AMBRA1: variants seen among roughly 807,000 people sequenced by gnomAD.
The protein encoded by AMBRA1 is activating molecule in BECN1-regulated autophagy protein 1.
A neutral mutation model predicts 125.4 loss-of-function variants in AMBRA1; 47 were observed. The observed-to-expected ratio is 0.37, with a 90% CI of 0.30 to 0.48. AMBRA1 has a LOEUF of 0.48. Among genes scored for constraint, AMBRA1 ranks in the 20% least tolerant of loss-of-function variants. AMBRA1 has a pLI of 0.99. For synonymous variants in AMBRA1, 626 were observed against 655.5 expected (o/e 0.95, Z 0.69); for missense variants, 1,331 against 1,693.4 (o/e 0.79, Z 3.76).
At chr11:46,473,802 C>A (rs1239477430) in intron 11 of AMBRA1, among the ~76,000 whole-genome samples, 1 of 152,214 alleles carries the variant, frequency 6.6e-6, no homozygotes, top group African/African-American at 2.4e-5. Context: ...GGACACCCAC[C>A]ACCACGCCCG....
At chr11:46,448,721 A>G (rs1240918824) in intron 11 of AMBRA1, among the ~76,000 whole-genome samples, 2 of 152,158 alleles carry the variant, frequency 1.3e-5, no homozygotes, top group African/African-American at 4.8e-5. Context: ...GAAAAAAGAG[A>G]GAAGATACAA....
chr11:46,401,260 A>AGAT (rs1554966118), intron 17 of AMBRA1, among the ~76,000 whole-genome samples: 16 of 151,746 alleles, frequency 1.1e-4, no homozygotes, highest in Non-Finnish European at 2.1e-4. Context: ...GCTCTTTTCG[A>AGAT]GACAGAGTCT....
chr11:46,503,060 C>CAAAAAAAAAAAAAA (rs35217088), intron 9 of AMBRA1, among the ~76,000 whole-genome samples: 1 of 31,022 alleles, frequency 3.2e-5, no homozygotes, highest in Non-Finnish European at 8.2e-5. Flanking sequence ...GACTCTGTCT[C>CAAAAAAAAAAAAAA]AAAAAAAAAA....
At chr11:46,570,268 A>G (rs1287588577) in intron 1 of AMBRA1, among the ~76,000 whole-genome samples, 2 of 148,986 alleles carry the variant, frequency 1.3e-5, no homozygotes, top group African/African-American at 2.5e-5. Flanking sequence ...TCTCAAAAAA[A>G]AAAAAAAAAA....
At chr11:46,586,087 A>C (rs2044389885) in intron 1 of AMBRA1, among the ~76,000 whole-genome samples, 2 of 152,214 alleles carry the variant, frequency 1.3e-5, no homozygotes, top group Admixed American at 1.3e-4. Context: ...TACAGGCATT[A>C]GCCACTGCAC....
rs1481925668 is a variant in AMBRA1, at chr11:46,545,705, C to T, written c.450G>A (p.Gln150=). ...IASLAFHPTA[Q]LLLIATANEI... The stretch of plus-strand genomic sequence containing the variant: ...CATTGGCAGTGGCAATCAGCAGGAG[C>T]TGAGCCGTAGGGTGGAAAGCCAGGG... The change falls in exon 5 of 18, where the codon CAG becomes CAA. Residue 150 remains glutamine (Q), a synonymous_variant. Coordinates refer to ENST00000683756, the MANE Select transcript of AMBRA1 (RefSeq NM_001387011.1). 1 of 1,614,070 alleles carries T rather than the reference C, an allele frequency of 6.2e-7. No homozygotes were observed. The highest frequency in any genetic ancestry group is 8.5e-7 in the Non-Finnish European group (1 of 1,180,020).
intron 7 of AMBRA1, among the ~76,000 whole-genome samples, chr11:46,539,810 G>A (rs895310958): frequency 1.3e-5 from 2 of 152,222 alleles, no homozygotes; most frequent in Admixed American, 6.5e-5. Flanking sequence ...ACACATAGTA[G>A]GCCCTCAGTA....
chr11:46,516,518 C>T (rs112144478), intron 7 of AMBRA1, among the ~76,000 whole-genome samples: 1,721 of 150,266 alleles, frequency 0.011, 38 homozygotes, highest in African/African-American at 0.04. Context: ...GCAAGCTCCG[C>T]CTCCTGGGTT....
chr11:46,565,482 A>G (rs533883683), intron 1 of AMBRA1, among the ~76,000 whole-genome samples: 3 of 152,060 alleles, frequency 2.0e-5, no homozygotes, highest in South Asian at 2.1e-4. Context: ...TGAGGTGGGC[A>G]GATTGCTTGA....
chr11:46,473,736 C>T (rs1262601569), intron 11 of AMBRA1, among the ~76,000 whole-genome samples: 7 of 152,200 alleles, frequency 4.6e-5, no homozygotes, highest in East Asian at 3.9e-4. Flanking sequence ...CTGCAAGCTC[C>T]GCCTCGCGGG....
At chr11:46,525,885 C>G (rs1415110798) in intron 7 of AMBRA1, among the ~76,000 whole-genome samples, 1 of 151,968 alleles carries the variant, frequency 6.6e-6, no homozygotes, top group African/African-American at 2.4e-5. Flanking sequence ...GCACTCCAGC[C>G]TGGGTGACAG....
At position 46,397,570 on chromosome 11, in the gene AMBRA1, G is replaced by A. The variant is rs1945514741; in HGVS notation, c.3777C>T (p.Ser1259=). 6.3e-7 allele frequency: 1 copy of A among 1,580,894 alleles called. No individual in the cohort carries two copies. The highest frequency in any genetic ancestry group is 1.2e-5 in the South Asian group (1 of 86,352). Residue 1259 remains serine, a synonymous_variant, in exon 18 of 18, where the codon TCC becomes TCT. Coordinates refer to ENST00000683756, the MANE Select transcript of AMBRA1 (RefSeq NM_001387011.1). ...PSSSPVPIPV[S]LPSAEGPTLH... is the part of the protein sequence containing the mutation. Reference sequence around the variant, plus strand: ...GGGTTGGTCCCTCAGCGCTGGGAAGGGAAACAGGAATGGGGACAGGGGAGG... The same window carrying A: ...GGGTTGGTCCCTCAGCGCTGGGAAGAGAAACAGGAATGGGGACAGGGGAGG...
At chr11:46,463,398 C>T (rs575823167) in intron 11 of AMBRA1, among the ~76,000 whole-genome samples, 2 of 152,152 alleles carry the variant, frequency 1.3e-5, no homozygotes, top group Non-Finnish European at 2.9e-5. Context: ...TATAGATGCT[C>T]TGCTGTAGAA....
intron 7 of AMBRA1, among the ~76,000 whole-genome samples, chr11:46,517,193 G>A (rs1951530039): frequency 6.8e-6 from 1 of 146,932 alleles, no homozygotes; most frequent in Non-Finnish European, 1.5e-5. Flanking sequence ...TTTTGCCCAG[G>A]CTGGAGTGCA....
chr11:46,592,784 ACT>A (rs1041481869), intron 1 of AMBRA1, among the ~76,000 whole-genome samples: 81 of 151,118 alleles, frequency 5.4e-4, no homozygotes, highest in African/African-American at 1.8e-3. Context: ...AGAGAGACAG[ACT>A]CCTTGGGTTT....
chr11:46,397,529 G>T lies in AMBRA1; in HGVS notation c.3818C>A (p.Thr1273Asn), dbSNP rs1565112037. 6.5e-7 allele frequency: 1 copy of T among 1,543,478 alleles called. No individual in the cohort carries two copies. Among genetic ancestry groups the T allele is most frequent in the East Asian group, 2.3e-5 (1 of 44,158 alleles). Residue 1273 changes from threonine (T) to asparagine (N), a missense_variant, in exon 18 of 18, where the codon ACC becomes AAC. Thr to Asn is a moderately conservative substitution (Grantham distance 65). Transcript: ENST00000683756. ...AEGPTLHCEL[T>N]NNNHLLDGGS... is the part of the protein sequence containing the mutation. ...ACCATCCAGAAGGTGGTTGTTATTG[G>T]TCAACTCGCAGTGGAGGGTTGGTCC... is the stretch of plus-strand genomic sequence containing the variant.
intron 1 of AMBRA1, among the ~76,000 whole-genome samples, chr11:46,586,827 G>A (rs993643720): frequency 1.3e-5 from 2 of 152,080 alleles, no homozygotes; most frequent in Non-Finnish European, 2.9e-5. Flanking sequence ...AGGCTGCTTG[G>A]CTCCAGGACT....
Position 46,418,113 on chromosome 11 carries a change from A to G in AMBRA1, c.2977-61T>C, listed in dbSNP as rs1946632614. The G allele has an allele frequency of 3.4e-6, 5 of 1,462,530 alleles. 1 individual carries two copies. 90.6% of individuals were successfully genotyped at this position (1,462,530 alleles called of 1,614,324 possible). On this transcript the variant is annotated intron_variant, in intron 14 of 17. Transcript: ENST00000683756. ...GAGGAGAAACAATTTGTTACCAAGA[A>G]TAACAAAATCCAGGGAGAAACAAAT... is the stretch of plus-strand genomic sequence containing the variant.
rs896954293 is a variant in AMBRA1, at chr11:46,400,173, G to A, written c.3404-2230C>T. On this transcript the variant is annotated intron_variant, in intron 17 of 17. Coordinates refer to ENST00000683756, the MANE Select transcript of AMBRA1 (RefSeq NM_001387011.1). ...GGGCAACTATGATCAAGGCTCTGAG[G>A]CTGCGAGGGATGGCTCCACTGAACT... 2.0e-5 allele frequency among the ~76,000 whole-genome samples: 3 copies of A among 152,172 alleles called. No homozygotes were observed. The South Asian group carries it at 6.2e-4, about 32-fold the overall frequency.
Sources: gnomAD v4.1 joint callset for allele counts (sites outside exome capture counted in the v4.1 genomes callset) on GRCh38, gnomAD v4.1.1 for gene constraint, MANE v1.5 for transcripts, NCBI Gene and HGNC (gene_info 2026-07-23, HGNC 2026-07-21) for gene names.